The following ERC2 variants were observed in gnomAD, a reference collection of about 807,000 sequenced individuals.
The protein encoded by ERC2 is ELKS/RAB6-interacting/CAST family member 2, also known as ERC protein 2.
Under a neutral mutation model 114.8 loss-of-function variants are expected in ERC2, and 42 were observed. That is an observed-to-expected ratio of 0.37 (90% CI 0.29 to 0.47). The LOEUF (loss-of-function observed/expected upper bound fraction) is 0.47. Among genes scored for constraint, ERC2 ranks in the 20% least tolerant of loss-of-function variants. ERC2 has a pLI of 0.99. For synonymous variants in ERC2, 454 were observed against 425.5 expected (o/e 1.07, Z -0.82); for missense variants, 939 against 1,150.7 (o/e 0.82, Z 2.66).
rs569583019 is a variant in ERC2 at position 56,383,872 on chromosome 3, C to G, written c.657+50479G>C. ...TCTCCCCATTCCTTTCTCCCTCCAG[C>G]CCCTGGCAACCACCATTCTGCTTTG... is the stretch of plus-strand genomic sequence containing the variant. On this transcript the variant is annotated intron_variant, in intron 2 of 17. Transcript: ENST00000288221. Among the ~76,000 whole-genome samples, 28 of 152,264 alleles carry G rather than the reference C, an allele frequency of 1.8e-4. No homozygotes were observed. The South Asian group carries it at 5.4e-3, about 29-fold the overall frequency.
At chr3:55,680,587 G>T (rs918312755) in intron 17 of ERC2, among the ~76,000 whole-genome samples, 1 of 152,232 alleles carries the variant, frequency 6.6e-6, no homozygotes, top group Admixed American at 6.5e-5. Context: ...AGGGAATACA[G>T]TTAGGCCTCC....
intron 6 of ERC2, among the ~76,000 whole-genome samples, chr3:56,091,446 T>C (rs191337346): frequency 2.0e-3 from 312 of 152,206 alleles, no homozygotes; most frequent in African/African-American, 7.3e-3. Context: ...CATATATAGT[T>C]TGAGATGGCT....
intron 15 of ERC2, among the ~76,000 whole-genome samples, chr3:55,723,190 A>G (rs2064689498): frequency 1.3e-5 from 2 of 152,212 alleles, no homozygotes; most frequent in Non-Finnish European, 2.9e-5. Flanking sequence ...AAATGTTTAA[A>G]AGGCTAAACA....
At chr3:56,111,299 CTT>C (rs1316054769) in intron 6 of ERC2, among the ~76,000 whole-genome samples, 1 of 106,552 alleles carries the variant, frequency 9.4e-6, no homozygotes, top group Non-Finnish European at 2.0e-5. Context: ...CTCTCTCCCT[CTT>C]TCTCTCTCTC....
intron 7 of ERC2, among the ~76,000 whole-genome samples, chr3:56,022,066 A>G (rs909564910): frequency 4.6e-5 from 7 of 152,150 alleles, no homozygotes; most frequent in Non-Finnish European, 1.0e-4. Context: ...AGAATGCTTT[A>G]TATTCCACTG....
chr3:56,111,875 A>T (rs1437847734), intron 6 of ERC2, among the ~76,000 whole-genome samples: 2 of 152,192 alleles, frequency 1.3e-5, no homozygotes, highest in Non-Finnish European at 2.9e-5. Flanking sequence ...CTTACAAGAG[A>T]CATTTAAAAG....
chr3:55,879,066 T>C (rs2062993609), intron 14 of ERC2, among the ~76,000 whole-genome samples: 1 of 147,722 alleles, frequency 6.8e-6, no homozygotes, highest in African/African-American at 2.5e-5. Context: ...TCTTTTTTCT[T>C]TCTTTTTCTT....
intron 14 of ERC2, among the ~76,000 whole-genome samples, chr3:55,855,083 T>C (rs2061733962): frequency 6.6e-6 from 1 of 152,178 alleles, no homozygotes. Context: ...TTATTTTAAT[T>C]TTGAGAAGGA....
At chr3:56,036,270 G>GAAA (rs1430896101) in intron 7 of ERC2, among the ~76,000 whole-genome samples, 6 of 152,168 alleles carry the variant, frequency 3.9e-5, no homozygotes, top group Non-Finnish European at 7.3e-5. Context: ...GAGAGAAGCT[G>GAAA]AAAACTTTTC....
At chr3:56,411,301 A>G (rs1362083573) in intron 2 of ERC2, among the ~76,000 whole-genome samples, 1 of 151,734 alleles carries the variant, frequency 6.6e-6, no homozygotes, top group Non-Finnish European at 1.5e-5. Flanking sequence ...GAGCACATCA[A>G]AATGCTCCCT....
At chr3:55,540,933 CTTA>C (rs1318674062) in intron 17 of ERC2, among the ~76,000 whole-genome samples, 1 of 152,168 alleles carries the variant, frequency 6.6e-6, no homozygotes, top group African/African-American at 2.4e-5. Flanking sequence ...AACAGCTTCT[CTTA>C]TTATAGTCTG....
intron 4 of ERC2, among the ~76,000 whole-genome samples, chr3:56,159,242 G>C (rs890829312): frequency 3.3e-5 from 5 of 152,096 alleles, no homozygotes; most frequent in African/African-American, 1.2e-4. Flanking sequence ...AAAACTGTGA[G>C]CCAATTAAAC....
At chr3:56,088,106 T>C (rs4974166) in intron 6 of ERC2, among the ~76,000 whole-genome samples, 142,740 of 152,132 alleles carry the variant, frequency 0.94, 67,189 homozygotes, top group East Asian at 1. Flanking sequence ...GTCTGTTCCA[T>C]ACCACACTCC....
intron 14 of ERC2, among the ~76,000 whole-genome samples, chr3:55,779,955 T>C (rs1455603220): frequency 6.6e-6 from 1 of 152,274 alleles, no homozygotes; most frequent in East Asian, 1.9e-4. Flanking sequence ...GAACCACTGA[T>C]TTAGAAGAAA....
intron 1 of ERC2, among the ~76,000 whole-genome samples, chr3:56,435,615 C>T (rs1451535353): frequency 6.6e-6 from 1 of 152,198 alleles, no homozygotes; most frequent in Non-Finnish European, 1.5e-5. Flanking sequence ...ATTTGGCATT[C>T]ATGTTGTTAC....
chr3:56,194,896 C>A (rs997708230), intron 3 of ERC2, among the ~76,000 whole-genome samples: 6 of 151,918 alleles, frequency 3.9e-5, no homozygotes, highest in African/African-American at 4.8e-5. Flanking sequence ...GTTTCTAGAT[C>A]TTTTCTACAT....
At chr3:56,008,245 C>T (rs1424276313) in intron 9 of ERC2, among the ~76,000 whole-genome samples, 1 of 152,122 alleles carries the variant, frequency 6.6e-6, no homozygotes, top group Non-Finnish European at 1.5e-5. Context: ...CACTGGGTTG[C>T]TTCATGGACA....
chr3:55,526,960 C>T (rs1246939165), intron 17 of ERC2, among the ~76,000 whole-genome samples: 1 of 152,238 alleles, frequency 6.6e-6, no homozygotes, highest in African/African-American at 2.4e-5. Flanking sequence ...AGCAGGAGCA[C>T]ACGTGTCTCC....
chr3:55,863,446 G>T (rs1158796071), intron 14 of ERC2, among the ~76,000 whole-genome samples: 2 of 152,104 alleles, frequency 1.3e-5, no homozygotes, highest in Non-Finnish European at 2.9e-5. Context: ...GTTAGAGAAG[G>T]AATATAGTTC....
Sources: allele counts gnomAD v4.1 joint callset (sites outside exome capture counted in the v4.1 genomes callset), GRCh38; gene constraint gnomAD v4.1.1; transcripts MANE v1.5; gene names NCBI Gene and HGNC (gene_info 2026-07-23, HGNC 2026-07-21).